CLIC5: variants seen among roughly 807,000 people sequenced by gnomAD.
CLIC5 encodes chloride intracellular channel protein 5.
Under a neutral mutation model 24.7 loss-of-function variants are expected in CLIC5, and 20 were observed. The ratio of observed to expected loss-of-function variants is 0.81; its 90% CI spans 0.57 to 1.18. The LOEUF (loss-of-function observed/expected upper bound fraction) is 1.18, where lower values mean the gene tolerates loss of function less well. Ranked by LOEUF, CLIC5 falls within the 50% of genes most tolerant of loss-of-function variation. CLIC5 has a pLI of 0.00. For synonymous variants in CLIC5, 159 were observed against 135.6 expected, an observed-to-expected ratio of 1.17 and a Z score of -1.20; for missense variants, 341 against 326.1, an observed-to-expected ratio of 1.05 and a Z score of -0.35.
At chr6:45,988,709 A>C (rs138955246) in intron 1 of CLIC5, among the ~76,000 whole-genome samples, 338 of 152,364 alleles carry the variant, frequency 2.2e-3, no homozygotes, top group African/African-American at 7.6e-3. Context: ...AAGAGTATGA[A>C]ATCACAGCAT....
At chr6:46,102,070 G>C in the CLIC5 span, among the ~76,000 whole-genome samples, 5 of 152,118 alleles carry the variant, frequency 3.3e-5, no homozygotes, top group East Asian at 9.6e-4. Context: ...CAGGGCCCTT[G>C]AGCCCCTGAA....
At chr6:45,973,198 G>A (rs1383639990) in intron 1 of CLIC5, among the ~76,000 whole-genome samples, 2 of 152,212 alleles carry the variant, frequency 1.3e-5, no homozygotes, top group East Asian at 3.9e-4. Context: ...CTCTTTGCCT[G>A]TGGGACCAGT....
chr6:46,070,775 C>T (rs1762573089), intron 1 of CLIC5, among the ~76,000 whole-genome samples: 1 of 151,894 alleles, frequency 6.6e-6, no homozygotes, highest in Non-Finnish European at 1.5e-5. Flanking sequence ...CCAAGGCAAC[C>T]CTAAGCAAAA....
the CLIC5 span, among the ~76,000 whole-genome samples, chr6:46,128,604 T>G: frequency 1.3e-5 from 2 of 152,200 alleles, no homozygotes. Flanking sequence ...CATTTGATAG[T>G]AAGAGGTTGG....
At chr6:45,914,886 G>A (rs577347245) in intron 4 of CLIC5, among the ~76,000 whole-genome samples, 22 of 151,930 alleles carry the variant, frequency 1.4e-4, no homozygotes, top group African/African-American at 5.3e-4. Context: ...AGGAGGCAGA[G>A]GTTGCAGTAA....
At position 45,949,214 on chromosome 6, in the gene CLIC5, AC is replaced by A. The variant is rs1764386214; in HGVS notation, c.299+41del. The A allele has an allele frequency of 1.1e-5, 17 of 1,598,212 alleles. No individual in the cohort carries two copies. The East Asian group carries it at 3.8e-4, about 36-fold the overall frequency. On this transcript the variant is annotated intron_variant, in intron 3 of 5. Transcript: ENST00000339561. ...CCAGGACTTTATAGATCCAGCATGA[AC>A]CCTTCCCATTCAACAGCCCCAGAAA...
intron 1 of CLIC5, among the ~76,000 whole-genome samples, chr6:46,077,980 A>G (rs1271745846): frequency 6.6e-6 from 1 of 152,044 alleles, no homozygotes; most frequent in East Asian, 1.9e-4. Context: ...CATGATGATG[A>G]TCATGGTGAT....
At chr6:46,099,070 G>C in the CLIC5 span, among the ~76,000 whole-genome samples, 1 of 152,198 alleles carries the variant, frequency 6.6e-6, no homozygotes. Flanking sequence ...TCCACACCAA[G>C]TTTTATCTTA....
exon 1 of CLIC5, chr6:46,080,190 G>C: frequency 1.9e-6 from 3 of 1,551,560 alleles, no homozygotes; most frequent in Non-Finnish European, 2.6e-6. Context: ...AACCTCATAC[G>C]TCCTCTCATT....
intron 2 of CLIC5, among the ~76,000 whole-genome samples, chr6:45,953,256 G>A (rs1045810741): frequency 2.1e-4 from 32 of 152,114 alleles, no homozygotes; most frequent in Non-Finnish European, 1.5e-4. Flanking sequence ...TAATGAGAAA[G>A]CATTTACCAG....
intron 1 of CLIC5, among the ~76,000 whole-genome samples, chr6:46,052,176 C>T (rs1297103800): frequency 6.6e-6 from 1 of 151,700 alleles, no homozygotes; most frequent in Non-Finnish European, 1.5e-5. Context: ...AGAAATGCTT[C>T]ATACCACACC....
chr6:45,912,634 A>C, intron 5 of CLIC5: 1 of 1,513,952 alleles, frequency 6.6e-7, no homozygotes, highest in Non-Finnish European at 8.9e-7. Context: ...GCTAGTTGGC[A>C]GCAAATACAG....
chr6:46,054,166 G>C (rs969452980), intron 1 of CLIC5, among the ~76,000 whole-genome samples: 1 of 152,076 alleles, frequency 6.6e-6, no homozygotes. Context: ...ACGAGGGACC[G>C]ACTGGCATTC....
intron 1 of CLIC5, among the ~76,000 whole-genome samples, chr6:46,049,916 T>C (rs1300165854): frequency 2.6e-5 from 4 of 152,204 alleles, no homozygotes; most frequent in Non-Finnish European, 5.9e-5. Context: ...TAAGCTAATG[T>C]GTACTGTGAA....
At chr6:46,123,343 C>T in the CLIC5 span, among the ~76,000 whole-genome samples, 1 of 152,210 alleles carries the variant, frequency 6.6e-6, no homozygotes, top group Non-Finnish European at 1.5e-5. Flanking sequence ...ACATGATTAT[C>T]TCAATAGATG....
chr6:45,955,039 G>C (rs1328602231), intron 2 of CLIC5, 96 bp downstream of exon 2: 2 of 780,598 alleles, frequency 2.6e-6, no homozygotes, highest in Non-Finnish European at 4.4e-6. Flanking sequence ...GTGAGCAGGG[G>C]GCTGCTGGGA....
At chr6:46,108,415 A>G in the CLIC5 span, among the ~76,000 whole-genome samples, 3 of 150,404 alleles carry the variant, frequency 2.0e-5, no homozygotes, top group Admixed American at 6.6e-5. Flanking sequence ...AGAGAGAGAG[A>G]GATGGAGTTT....
At chr6:45,936,540 T>G (rs1456979280) in intron 4 of CLIC5, among the ~76,000 whole-genome samples, 1 of 152,120 alleles carries the variant, frequency 6.6e-6, no homozygotes, top group Admixed American at 6.5e-5. Flanking sequence ...GTGGGCATTA[T>G]TCCAAGCACA....
chr6:45,987,944 G>T (rs1164922285), intron 1 of CLIC5, among the ~76,000 whole-genome samples: 1 of 152,192 alleles, frequency 6.6e-6, no homozygotes, highest in Non-Finnish European at 1.5e-5. Context: ...GCCCCCCAAA[G>T]TTCATGGCCT....
Sources: allele counts gnomAD v4.1 joint callset (sites outside exome capture counted in the v4.1 genomes callset), GRCh38; gene constraint gnomAD v4.1.1; transcripts MANE v1.5; gene names NCBI Gene and HGNC (gene_info 2026-07-23, HGNC 2026-07-21).